The following PDE1C variants were observed in gnomAD, a reference collection of about 807,000 sequenced individuals.
The protein encoded by PDE1C is dual specificity calcium/calmodulin-dependent 3',5'-cyclic nucleotide phosphodiesterase 1C.
A neutral mutation model predicts 93.1 loss-of-function variants in PDE1C; 62 were observed. The observed-to-expected ratio is 0.67, with a 90% CI of 0.54 to 0.82. The LOEUF is 0.82. Ranked by LOEUF, PDE1C falls within the 40% of genes least tolerant of loss-of-function variation. The pLI, the probability that PDE1C is intolerant of heterozygous loss-of-function variation, is 0.00. For synonymous variants in PDE1C, 325 were observed against 310.1 expected (o/e 1.05, Z -0.50); for missense variants, 742 against 884.6 (o/e 0.84, Z 2.04).
chr7:32,214,243 A>G (rs1806261264), intron 1 of PDE1C, among the ~76,000 whole-genome samples: 1 of 152,140 alleles, frequency 6.6e-6, no homozygotes, highest in Admixed American at 6.5e-5. Context: ...AATATGTTTT[A>G]GATTCTGATT....
At position 31,823,240 on chromosome 7, in the gene PDE1C, C is replaced by G; in HGVS notation, c.1415G>C (p.Ser472Thr). The G allele has an allele frequency of 6.2e-7, 1 of 1,600,904 alleles. No homozygotes were observed. Among genetic ancestry groups the G allele is most frequent in the Non-Finnish European group, 8.5e-7 (1 of 1,176,070 alleles). ...GTGQRRSSLN[S>T]ISSSDAKRSG... is the part of the protein sequence containing the mutation. ...TCGCTTGGCATCTGACGAGCTGATG[C>G]TATTCAAACTGGAAAACAAAAAAAT... Residue 472 changes from serine to threonine, a missense_variant, in exon 14 of 18, where the codon AGC becomes ACC. Coordinates refer to ENST00000396191, the MANE Select transcript of PDE1C (RefSeq NM_001191057.4).
At chr7:32,421,791 A>G (rs949694305) in intron 1 of PDE1C, among the ~76,000 whole-genome samples, 1 of 152,218 alleles carries the variant, frequency 6.6e-6, no homozygotes, top group Non-Finnish European at 1.5e-5. Context: ...CGTGAAGATC[A>G]AATGTTAAAG....
At chr7:32,084,303 T>G (rs1584729530) in intron 3 of PDE1C, among the ~76,000 whole-genome samples, 1 of 151,570 alleles carries the variant, frequency 6.6e-6, no homozygotes, top group East Asian at 1.9e-4. Flanking sequence ...AAGAGCTAAC[T>G]ATCCTAAATA....
At position 32,226,091 on chromosome 7, in the gene PDE1C, A is replaced by G. The variant is rs79977206; in HGVS notation, c.86-16552T>C. Among the ~76,000 whole-genome samples, 220 of 152,254 alleles carry G rather than the reference A, an allele frequency of 1.4e-3. 8 individuals are homozygous for G. In the East Asian group the frequency reaches 0.041, roughly 28 times the overall value. ...AAAAAAAGGAAAGAAAGTTGCTTCA[A>G]TTGTGTAACAGAGGATTTTGACGTC... On this transcript the variant is annotated intron_variant, in intron 1 of 18. Coordinates refer to the PDE1C transcript ENST00000396193.
chr7:32,267,336 TG>T (rs147781262), intron 1 of PDE1C, among the ~76,000 whole-genome samples: 2,669 of 152,252 alleles, frequency 0.018, 89 homozygotes, highest in African/African-American at 0.061. Flanking sequence ...GTTTGGGAGA[TG>T]TCTCCAGGAA....
chr7:31,912,451 C>T (rs1405194589), intron 2 of PDE1C, among the ~76,000 whole-genome samples: 3 of 151,860 alleles, frequency 2.0e-5, no homozygotes, highest in South Asian at 2.1e-4. Context: ...TTTGGGAGGC[C>T]GAGACAGGTG....
chr7:32,133,765 A>T (rs979021934), intron 3 of PDE1C, among the ~76,000 whole-genome samples: 5 of 152,174 alleles, frequency 3.3e-5, no homozygotes, highest in Admixed American at 6.5e-5. Flanking sequence ...CAGTATATAT[A>T]TGAGAAACCA....
Position 32,313,263 on chromosome 7 carries a change from G to A in PDE1C, c.311-103724C>T, listed in dbSNP as rs549601517. Among the ~76,000 whole-genome samples, 40 of 152,214 alleles carry A rather than the reference G, an allele frequency of 2.6e-4. 1 individual carries two copies. Among genetic ancestry groups the A allele is most frequent in the African/African-American group, 9.1e-4 (38 of 41,542 alleles). ...AAAAAGTCAGGAAACAACAGGTGCT[G>A]GAGAGGATGTGGAGAAATAGGAACA... On this transcript the variant is annotated intron_variant, in intron 1 of 1. Coordinates refer to the PDE1C transcript ENST00000672256.
intron 2 of PDE1C, among the ~76,000 whole-genome samples, chr7:32,176,997 A>T (rs1253331081): frequency 1.3e-5 from 2 of 152,256 alleles, no homozygotes; most frequent in Non-Finnish European, 2.9e-5. Context: ...TGAATTCATA[A>T]ATGATAGACT....
intron 1 of PDE1C, among the ~76,000 whole-genome samples, chr7:32,366,980 G>A (rs964928199): frequency 2.2e-4 from 34 of 152,010 alleles, no homozygotes; most frequent in African/African-American, 7.7e-4. Context: ...AGTGAGCTGA[G>A]ATCGCACCAT....
intron 2 of PDE1C, among the ~76,000 whole-genome samples, chr7:31,897,350 A>T (rs181093748): frequency 4.1e-4 from 63 of 152,376 alleles, no homozygotes; most frequent in African/African-American, 1.3e-3. Context: ...ATACAAAGGT[A>T]ATGGGCAGAA....
At chr7:32,250,636 G>C (rs1392118829) in intron 1 of PDE1C, among the ~76,000 whole-genome samples, 1 of 152,172 alleles carries the variant, frequency 6.6e-6, no homozygotes, top group Non-Finnish European at 1.5e-5. Flanking sequence ...GACGATCACT[G>C]ATAATGCTGT....
At position 32,403,921 on chromosome 7, in the gene PDE1C, G is replaced by A. The variant is rs140377750; in HGVS notation, c.310+23901C>T. ...TTCTTTTTTATTTCAAGGACAGTGA[G>A]GTTAAGGACACAGGAAATCACAATA... On this transcript the variant is annotated intron_variant, in intron 1 of 1. Transcript: ENST00000672256. Among the ~76,000 whole-genome samples the A allele has an allele frequency of 3.4e-3, 510 of 152,148 alleles. 5 individuals carry two copies. Among genetic ancestry groups the A allele is most frequent in the African/African-American group, 0.012 (479 of 41,484 alleles).
At chr7:31,656,739 A>C in the PDE1C span, among the ~76,000 whole-genome samples, 2 of 152,186 alleles carry the variant, frequency 1.3e-5, no homozygotes, top group African/African-American at 4.8e-5. Context: ...AGATGACTTC[A>C]TGTGTGATGG....
chr7:31,848,069 G>A lies in PDE1C; in HGVS notation c.879C>T (p.Asp293=), dbSNP rs1404507572. Residue 293 remains aspartate (D), a synonymous_variant, in exon 9 of 18, where the codon GAC becomes GAT. Coordinates refer to ENST00000396191, the MANE Select transcript of PDE1C (RefSeq NM_001191057.4). ...AATGGTGATTCTCCAGTACAGATCT[G>A]TCATTATACAGAATAGCTGGATCAG... ...TRSDPAILYN[D]RSVLENHHLS... The A allele has an allele frequency of 1.2e-6, 2 of 1,612,968 alleles. No homozygotes were observed. The highest frequency in any genetic ancestry group is 1.7e-5 in the Admixed American group (1 of 59,938).
At chr7:31,688,149 C>A in the PDE1C span, among the ~76,000 whole-genome samples, 1 of 152,128 alleles carries the variant, frequency 6.6e-6, no homozygotes, top group Non-Finnish European at 1.5e-5. Flanking sequence ...GTGTGTAGGA[C>A]CTGGGCTCGG....
upstream of PDE1C, among the ~76,000 whole-genome samples, chr7:32,301,160 T>C (rs778523642): frequency 5.9e-5 from 9 of 152,154 alleles, no homozygotes; most frequent in African/African-American, 9.7e-5. Context: ...TTTTTTAATA[T>C]AGTAACCACC....
chr7:32,343,567 A>G (rs1020843403), intron 1 of PDE1C, among the ~76,000 whole-genome samples: 1 of 152,152 alleles, frequency 6.6e-6, no homozygotes, highest in African/African-American at 2.4e-5. Flanking sequence ...CAACATCCAT[A>G]TTACTCCGAC....
chr7:32,375,266 C>G (rs1784415010), intron 1 of PDE1C, among the ~76,000 whole-genome samples: 1 of 152,156 alleles, frequency 6.6e-6, no homozygotes, highest in East Asian at 1.9e-4. Flanking sequence ...CCTCCATATA[C>G]TGAACTCAGC....
Sources: gnomAD v4.1 joint callset for allele counts (sites outside exome capture counted in the v4.1 genomes callset) on GRCh38, gnomAD v4.1.1 for gene constraint, MANE v1.5 for transcripts, NCBI Gene and HGNC (gene_info 2026-07-23, HGNC 2026-07-21) for gene names.